Variants in TMEM232 observed in about 807,000 individuals in gnomAD.
The protein encoded by TMEM232 is transmembrane protein 232.
Under a neutral mutation model 78.8 loss-of-function variants are expected in TMEM232, and 80 were observed. The ratio of observed to expected loss-of-function variants is 1.01; its 90% confidence interval spans 0.85 to 1.22. The LOEUF (loss-of-function observed/expected upper bound fraction) is 1.22, where lower values mean the gene tolerates loss of function less well. TMEM232 is among the 50% of genes most tolerant of loss of function. The pLI is 0.00. For synonymous variants in TMEM232, 297 were observed against 254.3 expected (o/e 1.17, Z -1.60); for missense variants, 881 against 742.2 (o/e 1.19, Z -2.17).
At chr5:110,442,096 G>A (rs1386560755) in intron 12 of TMEM232, among the ~76,000 whole-genome samples, 2 of 152,086 alleles carry the variant, frequency 1.3e-5, no homozygotes, top group Non-Finnish European at 2.9e-5. Flanking sequence ...CCTTGAGGAA[G>A]TCTTCTTTGG....
chr5:110,652,281 A>AGCGCACGCGC (rs1284508134), intron 2 of TMEM232, among the ~76,000 whole-genome samples: 2 of 47,604 alleles, frequency 4.2e-5, no homozygotes, highest in Admixed American at 1.8e-4. Context: ...AGCACACAAA[A>AGCGCACGCGC]GTGCACGCGC....
At chr5:110,698,936 G>C (rs983230482) in intron 1 of TMEM232, among the ~76,000 whole-genome samples, 1 of 151,958 alleles carries the variant, frequency 6.6e-6, no homozygotes, top group African/African-American at 2.4e-5. Context: ...TGAGACATTT[G>C]CTCCCTCCAG....
chr5:110,473,084 T>C (rs1580824808), intron 12 of TMEM232, among the ~76,000 whole-genome samples: 1 of 147,364 alleles, frequency 6.8e-6, no homozygotes, highest in South Asian at 2.1e-4. Context: ...ACAAATAAGA[T>C]TATATCAAAC....
chr5:110,731,904 C>A (rs1364172313), intron 2 of TMEM232, among the ~76,000 whole-genome samples: 1 of 152,212 alleles, frequency 6.6e-6, no homozygotes, highest in Non-Finnish European at 1.5e-5. Flanking sequence ...TTTTCTACTG[C>A]ATCATCAGGC....
intron 2 of TMEM232, among the ~76,000 whole-genome samples, chr5:110,649,088 T>C (rs1019171785): frequency 3.3e-5 from 5 of 152,052 alleles, no homozygotes; most frequent in African/African-American, 1.2e-4. Flanking sequence ...AAGGTAAGTA[T>C]TCAATGTCAA....
chr5:110,575,323 T>C (rs1414907272), intron 10 of TMEM232, among the ~76,000 whole-genome samples: 4 of 151,950 alleles, frequency 2.6e-5, no homozygotes, highest in African/African-American at 9.7e-5. Flanking sequence ...TTGTAGGTAA[T>C]ATGGAAAACC....
At chr5:110,721,443 C>T (rs989797745) in intron 1 of TMEM232, among the ~76,000 whole-genome samples, 12 of 151,424 alleles carry the variant, frequency 7.9e-5, no homozygotes, top group African/African-American at 2.7e-4. Context: ...GTTCTGATAA[C>T]GGACATTCAG....
At chr5:110,714,575 C>T (rs1026314048) in intron 1 of TMEM232, among the ~76,000 whole-genome samples, 1 of 152,026 alleles carries the variant, frequency 6.6e-6, no homozygotes, top group Non-Finnish European at 1.5e-5. Flanking sequence ...TGTTATTTAA[C>T]CTTTTAGTTG....
chr5:110,619,696 C>T (rs1783387781), intron 7 of TMEM232, among the ~76,000 whole-genome samples: 1 of 152,016 alleles, frequency 6.6e-6, no homozygotes, highest in African/African-American at 2.4e-5. Context: ...TAGGGTCTAC[C>T]CCAAAACTGG....
chr5:110,725,601 A>G (rs1418979216), intron 1 of TMEM232: 5 of 152,196 alleles, frequency 3.3e-5, no homozygotes, highest in Non-Finnish European at 7.3e-5. Flanking sequence ...CCTTCAATCA[A>G]GTATGTATGT....
intron 8 of TMEM232, among the ~76,000 whole-genome samples, chr5:110,614,872 A>T (rs1782733908): frequency 6.6e-6 from 1 of 152,058 alleles, no homozygotes; most frequent in Admixed American, 6.6e-5. Flanking sequence ...TGCACCAATG[A>T]GAACCTCTAA....
At chr5:110,476,705 T>C (rs1272649292) in intron 12 of TMEM232, among the ~76,000 whole-genome samples, 1 of 152,066 alleles carries the variant, frequency 6.6e-6, no homozygotes, top group African/African-American at 2.4e-5. Flanking sequence ...TGACAAACAG[T>C]ACCTCAAGTC....
intron 11 of TMEM232, among the ~76,000 whole-genome samples, chr5:110,561,330 C>A (rs987926730): frequency 1.3e-5 from 2 of 151,842 alleles, no homozygotes; most frequent in Non-Finnish European, 2.9e-5. Context: ...AAACTGTTCT[C>A]ATTTAAAGTT....
In TMEM232 at chr5:110,599,313, C is replaced by T. The variant is rs58755903; in HGVS notation, c.1276+5796G>A. 2.0e-3 allele frequency among the ~76,000 whole-genome samples: 297 copies of T among 152,212 alleles called. 2 individuals are homozygous for T. The highest frequency in any genetic ancestry group is 6.8e-3 in the African/African-American group (284 of 41,538). Reference sequence around the variant, plus strand: ...TCATGAAGACAGGATCAAATTCACACATAACAATATTAACCTTAAATGTTA... The same window carrying T: ...TCATGAAGACAGGATCAAATTCACATATAACAATATTAACCTTAAATGTTA... On this transcript the variant is annotated intron_variant, in intron 10 of 13. Transcript: ENST00000455884.
rs531441935 is a variant in TMEM232 at position 110,460,906 on chromosome 5, C to A, written c.1704-35990G>T. ...CACATACTCTGTCTATAGAAGATGG[C>A]AAACTCAGATACACATTGTACGTGT... On this transcript the variant is annotated intron_variant, in intron 12 of 13. Coordinates refer to ENST00000455884, the MANE Select transcript of TMEM232 (RefSeq NM_001039763.4). Among the ~76,000 whole-genome samples the A allele has an allele frequency of 5.5e-4, 83 of 152,010 alleles. 1 individual carries two copies. Among genetic ancestry groups the A allele is most frequent in the Non-Finnish European group, 2.9e-4 (20 of 67,992 alleles).
Position 110,420,863 on chromosome 5 carries a change from T to C in TMEM232, c.1798-107A>G, listed in dbSNP as rs549017816. The C allele has an allele frequency of 1.6e-5, 23 of 1,402,186 alleles. No individual in the cohort carries two copies. In the East Asian group the frequency reaches 6.2e-4, roughly 38 times the overall value. 86.9% of individuals were successfully genotyped at this position (1,402,186 alleles called of 1,614,324 possible). A position where few individuals can be genotyped will look rare whatever the true frequency, so the allele number is the denominator to read the frequency against. On this transcript the variant is annotated intron_variant, in intron 13 of 13. Coordinates refer to ENST00000455884, the MANE Select transcript of TMEM232 (RefSeq NM_001039763.4). ...TATATCCAATTATCCTTTCAGGTTT[T>C]TTCCATGACATTCCTCAAAAATTTT...
At position 110,620,577 on chromosome 5, in the gene TMEM232, A is replaced by ATCTCTCTATCTC. The variant is rs1783510315; in HGVS notation, c.769-2016_769-2015insGAGATAGAGAGA. 6.7e-4 allele frequency among the ~76,000 whole-genome samples: 29 copies of ATCTCTCTATCTC among 43,136 alleles called. 2 individuals are homozygous for ATCTCTCTATCTC. The highest frequency in any genetic ancestry group is 2.1e-3 in the African/African-American group (28 of 13,592). The allele number at this position is 43,136 out of a possible 152,430, so 28.3% of individuals were successfully genotyped here. On this transcript the variant is annotated intron_variant, in intron 7 of 13. Transcript: ENST00000455884. ...TAGTTCCTTGTGGTATGTCTCTCAT[A>ATCTCTCTATCTC]TCTCTCTCTCTCTCTCTCTCTCTCT...
chr5:110,450,847 TTAAGTGTGAAACTTCTGAG>T (rs1459048158), intron 12 of TMEM232, among the ~76,000 whole-genome samples: 14 of 152,058 alleles, frequency 9.2e-5, no homozygotes, highest in Admixed American at 3.3e-4. Flanking sequence ...ATCAAAAGAG[TTAAGTGTGAAACTTCTGAG>T]TTAAGTTAGT....
In TMEM232 at chr5:110,490,302, G is replaced by C. The variant is rs547370024; in HGVS notation, c.1703+38286C>G. Among the ~76,000 whole-genome samples the C allele has an allele frequency of 5.9e-5, 9 of 152,136 alleles. No individual in the cohort carries two copies. In the South Asian group the frequency reaches 1.9e-3, roughly 32 times the overall value. On this transcript the variant is annotated intron_variant, in intron 12 of 13. Coordinates refer to ENST00000455884, the MANE Select transcript of TMEM232 (RefSeq NM_001039763.4). ...TATCAAAAATAATACTTGGAAGTAA[G>C]GTTAACAAGAGAAGTACAAGACTTA...
Sources: allele counts gnomAD v4.1 joint callset (sites outside exome capture counted in the v4.1 genomes callset), GRCh38; gene constraint gnomAD v4.1.1; transcripts MANE v1.5; gene names NCBI Gene and HGNC (gene_info 2026-07-23, HGNC 2026-07-21).